SCFD2: variants seen among roughly 807,000 people sequenced by gnomAD.
SCFD2 encodes the protein sec1 family domain containing 2.
Under a neutral mutation model 58.9 loss-of-function variants are expected in SCFD2, and 54 were observed. The observed-to-expected ratio is 0.92, with a 90% CI of 0.74 to 1.15. SCFD2 has a LOEUF of 1.15. SCFD2 is among the 50% of genes most tolerant of loss of function. SCFD2 has a pLI of 0.00. For missense variants in SCFD2, 805 were observed against 836.6 expected, an observed-to-expected ratio of 0.96 and a Z score of 0.47; for synonymous variants, 321 against 335.9, an observed-to-expected ratio of 0.96 and a Z score of 0.49.
chr4:53,212,958 G>C (rs555058304), intron 4 of SCFD2, among the ~76,000 whole-genome samples: 69 of 152,010 alleles, frequency 4.5e-4, no homozygotes, highest in Non-Finnish European at 8.1e-4. Flanking sequence ...ACTAGGTGCA[G>C]GTAGACAGGT....
chr4:52,959,071 T>C (rs1042274804), intron 5 of SCFD2, among the ~76,000 whole-genome samples: 4 of 152,018 alleles, frequency 2.6e-5, no homozygotes, highest in African/African-American at 9.7e-5. Flanking sequence ...GGTTCAGAGG[T>C]GGTCACGTTG....
intron 4 of SCFD2, among the ~76,000 whole-genome samples, chr4:53,217,205 A>G (rs1387979452): frequency 6.6e-6 from 1 of 151,940 alleles, no homozygotes; most frequent in East Asian, 1.9e-4. Context: ...TATCCTTATT[A>G]ACTTTCTGTC....
intron 5 of SCFD2, among the ~76,000 whole-genome samples, chr4:53,079,533 AT>A (rs538150583): frequency 2.5e-3 from 381 of 152,076 alleles, no homozygotes; most frequent in Non-Finnish European, 4.3e-3. Flanking sequence ...GGATCCAAAA[AT>A]TTTTTTTATA....
chr4:53,069,078 A>C (rs1341529160), intron 5 of SCFD2, among the ~76,000 whole-genome samples: 1 of 152,086 alleles, frequency 6.6e-6, no homozygotes, highest in Non-Finnish European at 1.5e-5. Context: ...CAGGATTCTC[A>C]GTATGCACAG....
intron 1 of SCFD2, among the ~76,000 whole-genome samples, chr4:53,364,753 G>A (rs1257638593): frequency 6.6e-6 from 1 of 152,152 alleles, no homozygotes. Flanking sequence ...ATGAAGGACT[G>A]TTGTGAATAC....
In SCFD2 at chr4:53,003,809, C is replaced by G. The variant is rs531999136; in HGVS notation, c.1562-82939G>C. Reference sequence around the variant, plus strand: ...CTAAGGAGGACAGTAGAAAAGGATTCCTTTCAAAGTTAAATCACAACCTTC... The same window carrying G: ...CTAAGGAGGACAGTAGAAAAGGATTGCTTTCAAAGTTAAATCACAACCTTC... On this transcript the variant is annotated intron_variant, in intron 5 of 8. Coordinates refer to ENST00000401642, the MANE Select transcript of SCFD2 (RefSeq NM_152540.4). Among the ~76,000 whole-genome samples, 9 of 152,306 alleles carry G rather than the reference C, an allele frequency of 5.9e-5. No homozygotes were observed. The South Asian group carries it at 1.9e-3, about 32-fold the overall frequency.
At chr4:53,311,632 C>A (rs995524946) in intron 3 of SCFD2, among the ~76,000 whole-genome samples, 1 of 135,338 alleles carries the variant, frequency 7.4e-6, no homozygotes, top group African/African-American at 2.7e-5. Flanking sequence ...TCCTACTTTC[C>A]TTGATTCACA....
chr4:53,032,470 C>T lies in SCFD2; in HGVS notation c.1562-111600G>A, dbSNP rs180807370. ...ACCTTAAAGGTAAATAGGCTAAATGCCCCCAATTAAAAGACATCGACTAGC... is the reference window on the plus strand; with the variant it reads ...ACCTTAAAGGTAAATAGGCTAAATGTCCCCAATTAAAAGACATCGACTAGC... On this transcript the variant is annotated intron_variant, in intron 5 of 8. Coordinates refer to ENST00000401642, the MANE Select transcript of SCFD2 (RefSeq NM_152540.4). 4.6e-5 allele frequency among the ~76,000 whole-genome samples: 7 copies of T among 152,166 alleles called. No individual in the cohort carries two copies. The East Asian group carries it at 1.4e-3, about 29-fold the overall frequency.
At chr4:53,215,954 T>C (rs1728813637) in intron 4 of SCFD2, among the ~76,000 whole-genome samples, 1 of 152,196 alleles carries the variant, frequency 6.6e-6, no homozygotes, top group Non-Finnish European at 1.5e-5. Flanking sequence ...CGTTTATTGA[T>C]TTGCTTACGT....
chr4:53,331,909 G>A (rs1448103622), intron 2 of SCFD2, among the ~76,000 whole-genome samples: 1 of 152,108 alleles, frequency 6.6e-6, no homozygotes, highest in Non-Finnish European at 1.5e-5. Context: ...AAATGATAAA[G>A]GGGATATCAC....
intron 5 of SCFD2, among the ~76,000 whole-genome samples, chr4:52,945,210 GA>G (rs1324464320): frequency 6.6e-6 from 1 of 152,104 alleles, no homozygotes; most frequent in African/African-American, 2.4e-5. Context: ...GGTGAAATTA[GA>G]AAAAGAGATC....
chr4:53,171,894 G>A (rs1015614586), intron 4 of SCFD2, among the ~76,000 whole-genome samples: 2 of 151,182 alleles, frequency 1.3e-5, no homozygotes, highest in African/African-American at 2.4e-5. Context: ...TCTTAGTTTA[G>A]CTAGGGGTTT....
At chr4:53,240,380 T>A (rs535458425) in intron 4 of SCFD2, among the ~76,000 whole-genome samples, 29 of 152,198 alleles carry the variant, frequency 1.9e-4, no homozygotes, top group Non-Finnish European at 4.0e-4. Context: ...AATGGACATA[T>A]CAGAATCAAT....
chr4:53,347,753 G>A lies in SCFD2; in HGVS notation c.1007+4845C>T, dbSNP rs6817027. ...GAAGAAAAGAAGAGACACAGTCAGA[G>A]GGGACCAGGAAGCCAGATGGCACAT... On this transcript the variant is annotated intron_variant, in intron 2 of 8. Transcript: ENST00000401642. Among the ~76,000 whole-genome samples the A allele has an allele frequency of 9.2e-3, 1,408 of 152,328 alleles. 26 individuals are homozygous for A. Among genetic ancestry groups the A allele is most frequent in the African/African-American group, 0.032 (1,334 of 41,568 alleles).
chr4:52,927,426 C>T (rs1402953838), intron 5 of SCFD2, among the ~76,000 whole-genome samples: 1 of 152,090 alleles, frequency 6.6e-6, no homozygotes, highest in African/African-American at 2.4e-5. Flanking sequence ...AAGTTAAAGA[C>T]ACCTGCAGCA....
intron 5 of SCFD2, among the ~76,000 whole-genome samples, chr4:53,102,929 T>C (rs757173949): frequency 6.6e-6 from 1 of 152,124 alleles, no homozygotes; most frequent in South Asian, 2.1e-4. Flanking sequence ...TCTATACTTA[T>C]AATAAATAAA....
At chr4:53,146,325 T>C (rs1726330716) in intron 4 of SCFD2, among the ~76,000 whole-genome samples, 1 of 152,224 alleles carries the variant, frequency 6.6e-6, no homozygotes, top group African/African-American at 2.4e-5. Flanking sequence ...CCTATTTCTA[T>C]CATAAATTCT....
At chr4:53,141,645 G>A (rs373227228) in intron 5 of SCFD2, among the ~76,000 whole-genome samples, 4 of 145,102 alleles carry the variant, frequency 2.8e-5, no homozygotes, top group Non-Finnish European at 3.0e-5. Context: ...AGTCAAATTT[G>A]AAAAAAAAAA....
intron 4 of SCFD2, among the ~76,000 whole-genome samples, chr4:53,228,160 T>C (rs1729286682): frequency 6.6e-6 from 1 of 152,178 alleles, no homozygotes; most frequent in Admixed American, 6.6e-5. Flanking sequence ...GCCTAGTTCT[T>C]GTCACTGGGC....
Sources: gnomAD v4.1 joint callset for allele counts (sites outside exome capture counted in the v4.1 genomes callset) on GRCh38, gnomAD v4.1.1 for gene constraint, MANE v1.5 for transcripts, NCBI Gene and HGNC (gene_info 2026-07-23, HGNC 2026-07-21) for gene names.